KCNQ1OT1: variants seen among roughly 807,000 people sequenced by gnomAD.
KCNQ1OT1 encodes the protein KCNQ1 opposite strand/antisense transcript 1.
Position 2,668,972 on chromosome 11 carries a change from C to T in KCNQ1OT1, n.31023G>A, listed in dbSNP as rs1322515691. On this transcript the variant is annotated non_coding_transcript_exon_variant, in exon 1 of 1. Transcript: ENST00000597346. This position sits in a 1 kb window ranked among gnomAD's most constrained non-coding sequence, Gnocchi z 4.3. ...CTCCATCTGGGATTGATTTTTGTGT[C>T]CAATGTGAGGCCGAGGTCAAGGTCC... 1.3e-5 allele frequency: 5 copies of T among 398,496 alleles called. No individual in the cohort carries two copies. Among genetic ancestry groups the T allele is most frequent in the Non-Finnish European group, 2.2e-5 (5 of 226,078 alleles). 24.7% of individuals were successfully genotyped at this position (398,496 alleles called of 1,614,324 possible). A position where few individuals can be genotyped will look rare whatever the true frequency, so the allele number is the denominator to read the frequency against.
Position 2,621,854 on chromosome 11 carries a change from A to G in KCNQ1OT1, n.78141T>C, listed in dbSNP as rs11493163. The G allele has an allele frequency of 0.15, 60,003 of 397,820 alleles. 4,811 individuals carry two copies. The highest frequency in any genetic ancestry group is 0.17 in the Non-Finnish European group (39,286 of 225,818). The allele number at this position is 397,820 out of a possible 1,614,324, so 24.6% of individuals were successfully genotyped here. ...TTAGTTTTACTGACTTTTTTCCCCT[A>G]TGGTTTTTCTTTCTAACTTGTCTCT... On this transcript the variant is annotated non_coding_transcript_exon_variant, in exon 1 of 1. Coordinates refer to ENST00000597346, the Ensembl canonical transcript of KCNQ1OT1. This position sits in a 1 kb window ranked among gnomAD's most constrained non-coding sequence, Gnocchi z 5.7.
At position 2,669,734 on chromosome 11, in the gene KCNQ1OT1, A is replaced by C. The variant is rs1250894852; in HGVS notation, n.30261T>G. Reference sequence around the variant, plus strand: ...CATACCTGACTCGGGGAAATGCCTGAAAATATTAGCCAGCATAGAATGTCT... The same window carrying C: ...CATACCTGACTCGGGGAAATGCCTGCAAATATTAGCCAGCATAGAATGTCT... On this transcript the variant is annotated non_coding_transcript_exon_variant, in exon 1 of 1. Coordinates refer to ENST00000597346, the Ensembl canonical transcript of KCNQ1OT1. This position sits in a 1 kb window ranked among gnomAD's most constrained non-coding sequence, Gnocchi z 5.6. 1.0e-5 allele frequency: 4 copies of C among 398,688 alleles called. No homozygotes were observed. The highest frequency in any genetic ancestry group is 8.2e-5 in the African/African-American group (4 of 48,758). 24.7% of individuals were successfully genotyped at this position (398,688 alleles called of 1,614,324 possible). A position where few individuals can be genotyped will look rare whatever the true frequency, so the allele number is the denominator to read the frequency against.
At position 2,668,644 on chromosome 11, in the gene KCNQ1OT1, A is replaced by G. The variant is rs1376763107; in HGVS notation, n.31351T>C. 1.3e-5 allele frequency: 5 copies of G among 398,462 alleles called. No individual in the cohort carries two copies. The highest frequency in any genetic ancestry group is 1.8e-5 in the Non-Finnish European group (4 of 226,070). 24.7% of individuals were successfully genotyped at this position (398,462 alleles called of 1,614,324 possible). A position where few individuals can be genotyped will look rare whatever the true frequency, so the allele number is the denominator to read the frequency against. On this transcript the variant is annotated non_coding_transcript_exon_variant, in exon 1 of 1. Transcript: ENST00000597346. This position sits in a 1 kb window ranked among gnomAD's most constrained non-coding sequence, Gnocchi z 4.3. Reference sequence around the variant, plus strand: ...CTGTTTTATGTTTATTTATGGTCCTATATATCTTTAGATATTCTGGAGTCA... The same window carrying G: ...CTGTTTTATGTTTATTTATGGTCCTGTATATCTTTAGATATTCTGGAGTCA...
At chr11:2,634,074 T>G (rs1849408624) in exon 1 of KCNQ1OT1, 1 of 398,488 alleles carries the variant, frequency 2.5e-6, no homozygotes. Flanking sequence ...TGTGGTCTTT[T>G]GTGGTTCCAT....
chr11:2,630,651 GC>G (rs757445261), exon 1 of KCNQ1OT1: 103 of 398,192 alleles, frequency 2.6e-4, no homozygotes, highest in Non-Finnish European at 4.2e-4. Flanking sequence ...TTCTTAAGTT[GC>G]CCGTATATTT....
At chr11:2,693,779 G>A in exon 1 of KCNQ1OT1, 1 of 398,804 alleles carries the variant, frequency 2.5e-6, no homozygotes, top group East Asian at 3.6e-5. Flanking sequence ...GCTGGGGCCG[G>A]CCAGTTCAGA....
chr11:2,627,023 C>T lies in KCNQ1OT1; in HGVS notation n.72972G>A. ...TAGATTGTTTTGTGTGGTACTGACA[C>T]CTTAACAATATTGGCCTTCCAATCC... On this transcript the variant is annotated non_coding_transcript_exon_variant, in exon 1 of 1. Coordinates refer to ENST00000597346, the Ensembl canonical transcript of KCNQ1OT1. This position sits in a 1 kb window ranked among gnomAD's most constrained non-coding sequence, Gnocchi z 4.9. 2.5e-6 allele frequency: 1 copy of T among 398,528 alleles called. No homozygotes were observed. Among genetic ancestry groups the T allele is most frequent in the Non-Finnish European group, 4.4e-6 (1 of 226,066 alleles). The allele number at this position is 398,528 out of a possible 1,614,324, so 24.7% of individuals were successfully genotyped here.
chr11:2,633,930 T>G, exon 1 of KCNQ1OT1: 1 of 398,618 alleles, frequency 2.5e-6, no homozygotes, highest in Non-Finnish European at 4.4e-6. Flanking sequence ...CCTTGTTAGA[T>G]TATGGGGAAA....
chr11:2,648,079 G>A, exon 1 of KCNQ1OT1: 1 of 396,798 alleles, frequency 2.5e-6, no homozygotes, highest in Non-Finnish European at 4.4e-6. Flanking sequence ...TTAGCGAGGT[G>A]TGGTGCTGCA....
At chr11:2,615,779 G>C in exon 1 of KCNQ1OT1, 1 of 397,782 alleles carries the variant, frequency 2.5e-6, no homozygotes, top group Non-Finnish European at 4.4e-6. Flanking sequence ...GCTGAATTTG[G>C]CTTACTAGTA....
rs1330843404 is a variant in KCNQ1OT1 at position 2,658,467 on chromosome 11, G to A, written n.41528C>T. Reference sequence around the variant, plus strand: ...CATGTGTCCTTTTGATGTGCCCCCCGCCATCCTTTTCATTTATTTTTAAGC... The same window carrying A: ...CATGTGTCCTTTTGATGTGCCCCCCACCATCCTTTTCATTTATTTTTAAGC... On this transcript the variant is annotated non_coding_transcript_exon_variant, in exon 1 of 1. Coordinates refer to ENST00000597346, the Ensembl canonical transcript of KCNQ1OT1. The surrounding 1 kb of genome is among the most constrained non-coding windows in gnomAD (Gnocchi z 4.9). 3 of 398,282 alleles carry A rather than the reference G, an allele frequency of 7.5e-6. No homozygotes were observed. Among genetic ancestry groups the A allele is most frequent in the African/African-American group, 4.1e-5 (2 of 48,530 alleles). The allele number at this position is 398,282 out of a possible 1,614,324, so 24.7% of individuals were successfully genotyped here. A position where few individuals can be genotyped will look rare whatever the true frequency, so the allele number is the denominator to read the frequency against.
rs28757318 is a variant in KCNQ1OT1 at position 2,618,604 on chromosome 11, T to G, written n.81391A>C. On this transcript the variant is annotated non_coding_transcript_exon_variant, in exon 1 of 1. Transcript: ENST00000597346. Reference sequence around the variant, plus strand: ...GACCATACTGTTTGATCAATAGTTTTGTAAAATAAACCAGAAAGTATGAAG... The same window carrying G: ...GACCATACTGTTTGATCAATAGTTTGGTAAAATAAACCAGAAAGTATGAAG... The G allele has an allele frequency of 6.5e-3, 2,595 of 398,608 alleles. 9 individuals carry two copies. Among genetic ancestry groups the G allele is most frequent in the Non-Finnish European group, 9.3e-3 (2,094 of 226,038 alleles). The allele number at this position is 398,608 out of a possible 1,614,324, so 24.7% of individuals were successfully genotyped here.
Position 2,659,085 on chromosome 11 carries a change from G to A in KCNQ1OT1, n.40910C>T, listed in dbSNP as rs552093044. The A allele has an allele frequency of 8.0e-5, 32 of 398,380 alleles. No individual in the cohort carries two copies. Among genetic ancestry groups the A allele is most frequent in the Non-Finnish European group, 1.2e-4 (27 of 226,022 alleles). The allele number at this position is 398,380 out of a possible 1,614,324, so 24.7% of individuals were successfully genotyped here. On this transcript the variant is annotated non_coding_transcript_exon_variant, in exon 1 of 1. Transcript: ENST00000597346. This position sits in a 1 kb window ranked among gnomAD's most constrained non-coding sequence, Gnocchi z 4.3. ...CGCTCATCATAGTCTGCTTTTCATC[G>A]TAGGGTCCTCCAACATCCGGGTTAA...
chr11:2,694,482 C>T (rs1850640744), exon 1 of KCNQ1OT1: 1 of 398,462 alleles, frequency 2.5e-6, no homozygotes, highest in Non-Finnish European at 4.4e-6. Flanking sequence ...ACATCCTGTC[C>T]CAAGCATTAC....
exon 1 of KCNQ1OT1, chr11:2,696,288 G>A (rs1850674598): frequency 2.5e-6 from 1 of 398,602 alleles, no homozygotes; most frequent in South Asian, 1.3e-4. Flanking sequence ...ACTTTTCCTA[G>A]GGGCTCAGTT....
In KCNQ1OT1 at chr11:2,647,520, G is replaced by A. The variant is rs565342797; in HGVS notation, n.52475C>T. 313 of 398,574 alleles carry A rather than the reference G, an allele frequency of 7.9e-4. 1 individual carries two copies. The highest frequency in any genetic ancestry group is 1.5e-3 in the South Asian group (12 of 7,854). 24.7% of individuals were successfully genotyped at this position (398,574 alleles called of 1,614,324 possible). On this transcript the variant is annotated non_coding_transcript_exon_variant, in exon 1 of 1. Coordinates refer to ENST00000597346, the Ensembl canonical transcript of KCNQ1OT1. This position sits in a 1 kb window ranked among gnomAD's most constrained non-coding sequence, Gnocchi z 4.0. Reference sequence around the variant, plus strand: ...CAAGATACTGCTTGCCTCACAGAATGAGTTAGGGAGAATTCCTTTCTCTTC... The same window carrying A: ...CAAGATACTGCTTGCCTCACAGAATAAGTTAGGGAGAATTCCTTTCTCTTC...
chr11:2,667,551 G>T, exon 1 of KCNQ1OT1: 1 of 186,176 alleles, frequency 5.4e-6, no homozygotes, highest in Non-Finnish European at 1.1e-5. Context: ...TATTGTCATG[G>T]AGACACTTCT....
In KCNQ1OT1 at chr11:2,698,622, C is replaced by T; in HGVS notation, n.1373G>A. On this transcript the variant is annotated non_coding_transcript_exon_variant, in exon 1 of 1. Transcript: ENST00000597346. This position sits in a 1 kb window ranked among gnomAD's most constrained non-coding sequence, Gnocchi z 5.1. ...CGACTTCAATTCCTGACTCCCATAC[C>T]CCACTGAGACCTCTAACCCCAATCC... The T allele has an allele frequency of 2.5e-6, 1 of 398,568 alleles. No individual in the cohort carries two copies. The highest frequency in any genetic ancestry group is 4.4e-6 in the Non-Finnish European group (1 of 226,056). The allele number at this position is 398,568 out of a possible 1,614,324, so 24.7% of individuals were successfully genotyped here.
chr11:2,673,239 G>A lies in KCNQ1OT1; in HGVS notation n.26756C>T, dbSNP rs933341612. On this transcript the variant is annotated non_coding_transcript_exon_variant, in exon 1 of 1. Coordinates refer to ENST00000597346, the Ensembl canonical transcript of KCNQ1OT1. The surrounding 1 kb of genome is among the most constrained non-coding windows in gnomAD (Gnocchi z 4.5). ...AGCTGAGTCCCCTGTAGATTCTGGG[G>A]ACTGGGTGATGCAGACTGCAAAGCC... is the stretch of plus-strand genomic sequence containing the variant. The A allele has an allele frequency of 2.5e-6, 1 of 398,672 alleles. No homozygotes were observed. The allele number at this position is 398,672 out of a possible 1,614,324, so 24.7% of individuals were successfully genotyped here. A position where few individuals can be genotyped will look rare whatever the true frequency, so the allele number is the denominator to read the frequency against.
Sources: allele counts gnomAD v4.1 joint callset, GRCh38; gene constraint gnomAD v4.1.1; non-coding constraint Gnocchi (gnomAD v3.1); transcripts MANE v1.5; gene names NCBI Gene and HGNC (gene_info 2026-07-23, HGNC 2026-07-21).